The following ADAM22 variants were observed in gnomAD, a reference collection of about 807,000 sequenced individuals.
The protein encoded by ADAM22 is ADAM metallopeptidase domain 22.
ADAM22 carries 65 observed loss-of-function variants against 144.6 expected under a neutral mutation model. That is an observed-to-expected ratio of 0.45 (90% CI 0.37 to 0.55). The LOEUF is 0.55. Among genes scored for constraint, ADAM22 ranks in the 20% least tolerant of loss-of-function variants. The pLI is 0.00. For synonymous variants in ADAM22, 391 were observed against 412.6 expected (o/e 0.95, Z 0.63); for missense variants, 974 against 1,184.9 (o/e 0.82, Z 2.61).
intron 4 of ADAM22, among the ~76,000 whole-genome samples, chr7:88,106,223 C>T (rs1243042844): frequency 1.3e-5 from 2 of 152,132 alleles, no homozygotes; most frequent in Non-Finnish European, 2.9e-5. Flanking sequence ...ACCCTATCTT[C>T]TCCATTAAAT....
intron 2 of ADAM22, among the ~76,000 whole-genome samples, chr7:87,977,598 G>T (rs950247283): frequency 2.0e-5 from 3 of 152,144 alleles, no homozygotes; most frequent in Admixed American, 2.0e-4. Context: ...ACACAGTTTT[G>T]CTTCCTCCTT....
At chr7:87,965,274 G>A (rs1339042391) in intron 2 of ADAM22, among the ~76,000 whole-genome samples, 1 of 152,104 alleles carries the variant, frequency 6.6e-6, no homozygotes, top group Non-Finnish European at 1.5e-5. Flanking sequence ...TTAACATTAG[G>A]GACTTAACTG....
intron 30 of ADAM22, among the ~76,000 whole-genome samples, chr7:88,191,127 A>T (rs1017797203): frequency 6.6e-6 from 1 of 152,186 alleles, no homozygotes; most frequent in Non-Finnish European, 1.5e-5. Flanking sequence ...TTATTTTAAG[A>T]AGTAGTATAT....
intron 3 of ADAM22, among the ~76,000 whole-genome samples, chr7:88,040,801 G>A (rs1426080048): frequency 6.6e-6 from 1 of 151,932 alleles, no homozygotes; most frequent in Non-Finnish European, 1.5e-5. Context: ...GTGAAATAAA[G>A]GTGTTGGCTT....
intron 3 of ADAM22, among the ~76,000 whole-genome samples, chr7:88,055,379 G>A (rs561126143): frequency 4.6e-5 from 7 of 151,870 alleles, no homozygotes; most frequent in South Asian, 2.1e-4. Flanking sequence ...AAAAAAAATC[G>A]CTTTTTTTTT....
At chr7:88,180,848 G>C (rs1047945354) in intron 27 of ADAM22, among the ~76,000 whole-genome samples, 1 of 152,062 alleles carries the variant, frequency 6.6e-6, no homozygotes, top group African/African-American at 2.4e-5. Context: ...AAGATGGTAG[G>C]ACACAAATAG....
At chr7:88,115,297 G>A (rs1228972431) in intron 6 of ADAM22, among the ~76,000 whole-genome samples, 1 of 152,098 alleles carries the variant, frequency 6.6e-6, no homozygotes, top group Non-Finnish European at 1.5e-5. Flanking sequence ...TCCCTTTGAG[G>A]TGTTCTGAAA....
chr7:88,130,238 C>T (rs1005913396), intron 9 of ADAM22, 150 bp from the exon 10 acceptor site: 4 of 596,464 alleles, frequency 6.7e-6, no homozygotes, highest in Non-Finnish European at 8.5e-6. Context: ...CTGACTCTGA[C>T]ATTGTTTTAC....
intron 3 of ADAM22, among the ~76,000 whole-genome samples, chr7:88,004,918 T>C (rs1271219321): frequency 6.6e-6 from 1 of 152,192 alleles, no homozygotes; most frequent in Non-Finnish European, 1.5e-5. Context: ...GTCTTGATTT[T>C]CCAGAGCCCT....
At chr7:88,156,159 G>A (rs1839898578) in intron 22 of ADAM22, among the ~76,000 whole-genome samples, 153 bp downstream of exon 22, 1 of 152,084 alleles carries the variant, frequency 6.6e-6, no homozygotes, top group African/African-American at 2.4e-5. Flanking sequence ...ACAGAGAAGA[G>A]ATAAAAAGAA....
chr7:88,031,538 A>C (rs190135713), intron 3 of ADAM22, among the ~76,000 whole-genome samples: 10 of 152,352 alleles, frequency 6.6e-5, no homozygotes, highest in Admixed American at 6.5e-4. Flanking sequence ...TTGAACTTTG[A>C]ACTTGAAAGA....
chr7:88,191,229 G>A (rs180792480), intron 30 of ADAM22, among the ~76,000 whole-genome samples: 108 of 152,364 alleles, frequency 7.1e-4, no homozygotes, highest in African/African-American at 2.5e-3. Flanking sequence ...GGGGAAGACT[G>A]GACCTTCAGC....
chr7:88,101,882 T>C (rs1393110920), intron 4 of ADAM22, among the ~76,000 whole-genome samples: 1 of 152,214 alleles, frequency 6.6e-6, no homozygotes, highest in Non-Finnish European at 1.5e-5. Context: ...GTGGGTAGGC[T>C]GCATCCTCCG....
chr7:88,082,399 G>A (rs1451318441), intron 4 of ADAM22, among the ~76,000 whole-genome samples: 1 of 152,138 alleles, frequency 6.6e-6, no homozygotes, highest in Admixed American at 6.6e-5. Flanking sequence ...AGAAAACCTA[G>A]GCAATACCAT....
At chr7:87,953,484 T>G (rs1044515591) in intron 2 of ADAM22, among the ~76,000 whole-genome samples, 2 of 152,256 alleles carry the variant, frequency 1.3e-5, no homozygotes, top group Admixed American at 1.3e-4. Context: ...AGTTCTAGTT[T>G]GATTGCACTG....
At chr7:88,138,378 A>G (rs949071015) in intron 14 of ADAM22, among the ~76,000 whole-genome samples, 1 of 152,206 alleles carries the variant, frequency 6.6e-6, no homozygotes, top group African/African-American at 2.4e-5. Flanking sequence ...GTGAAGTCAA[A>G]TGGCTACCTT....
At chr7:88,128,289 T>C (rs993498780) in intron 8 of ADAM22, among the ~76,000 whole-genome samples, 1 of 152,118 alleles carries the variant, frequency 6.6e-6, no homozygotes, top group East Asian at 1.9e-4. Flanking sequence ...TTTAGTTTTA[T>C]GTGCAGAAGT....
At chr7:88,181,730 T>C (rs1847076454) in intron 28 of ADAM22, 125 bp downstream of exon 28, 2 of 890,652 alleles carry the variant, frequency 2.2e-6, no homozygotes, top group East Asian at 2.6e-5. Context: ...GAGGAGAATA[T>C]GTAGAATGAG....
chr7:88,091,802 C>G (rs953084225), intron 4 of ADAM22, among the ~76,000 whole-genome samples: 1 of 152,094 alleles, frequency 6.6e-6, no homozygotes, highest in African/African-American at 2.4e-5. Flanking sequence ...AATTACAGCC[C>G]TTCTACAATT....
Sources: allele counts gnomAD v4.1 joint callset (sites outside exome capture counted in the v4.1 genomes callset), GRCh38; gene constraint gnomAD v4.1.1; transcripts MANE v1.5; gene names NCBI Gene and HGNC (gene_info 2026-07-23, HGNC 2026-07-21).